Variants in SPMIP2 observed in about 807,000 individuals in gnomAD.
SPMIP2 encodes sperm microtubule inner protein 2.
chr4:158,908,536 G>A, the SPMIP2 span, among the ~76,000 whole-genome samples: 1 of 152,184 alleles, frequency 6.6e-6, no homozygotes, highest in Admixed American at 6.5e-5. Context: ...TCTTTACCAA[G>A]AATTGATATA....
chr4:159,046,992 C>T, the SPMIP2 span, among the ~76,000 whole-genome samples: 1 of 152,158 alleles, frequency 6.6e-6, no homozygotes, highest in East Asian at 1.9e-4. Context: ...GGTTGATGGA[C>T]AGAGAGTTGG....
At chr4:158,966,766 A>ACCCCG in the SPMIP2 span, among the ~76,000 whole-genome samples, 5 of 152,220 alleles carry the variant, frequency 3.3e-5, no homozygotes, top group South Asian at 4.1e-4. Flanking sequence ...AAAATAATCT[A>ACCCCG]CCAAGCTTTA....
the SPMIP2 span, among the ~76,000 whole-genome samples, chr4:158,969,917 A>C: frequency 6.6e-6 from 1 of 152,202 alleles, no homozygotes; most frequent in Non-Finnish European, 1.5e-5. Context: ...GACCATTTTG[A>C]TTTGGATTAT....
chr4:158,917,054 T>C, the SPMIP2 span, among the ~76,000 whole-genome samples: 1 of 152,094 alleles, frequency 6.6e-6, no homozygotes. Context: ...ATCAAGACCA[T>C]CCTGGCCAAC....
the SPMIP2 span, among the ~76,000 whole-genome samples, chr4:158,976,586 G>A: frequency 0.63 from 95,529 of 150,852 alleles, 30,545 homozygotes; most frequent in Middle Eastern, 0.72. Context: ...GATGGATTAC[G>A]TTTATTGATT....
chr4:159,073,888 C>T, the SPMIP2 span, among the ~76,000 whole-genome samples: 1 of 152,134 alleles, frequency 6.6e-6, no homozygotes, highest in South Asian at 2.1e-4. Context: ...TCTGTAATCC[C>T]AGCTACTCGG....
At chr4:158,990,313 G>C in the SPMIP2 span, among the ~76,000 whole-genome samples, 3 of 152,216 alleles carry the variant, frequency 2.0e-5, no homozygotes, top group African/African-American at 7.2e-5. Flanking sequence ...GTGGAAGACA[G>C]TGTGGCAATT....
the SPMIP2 span, among the ~76,000 whole-genome samples, chr4:158,957,715 G>A: frequency 1.3e-5 from 2 of 152,260 alleles, no homozygotes; most frequent in African/African-American, 2.4e-5. Flanking sequence ...GTGAGCCACT[G>A]TGCCCGTCCT....
the SPMIP2 span, chr4:158,905,041 T>TAGAC: frequency 2.6e-5 from 4 of 153,406 alleles, no homozygotes; most frequent in African/African-American, 9.6e-5. Flanking sequence ...GTTTGCTTTT[T>TAGAC]AGACAAGGTA....
chr4:159,069,603 TA>T, the SPMIP2 span, among the ~76,000 whole-genome samples: 1,770 of 143,936 alleles, frequency 0.012, 10 homozygotes, highest in Middle Eastern at 0.018. Context: ...CCTGGCTAAT[TA>T]AAAAAAAAAA....
At chr4:158,932,588 G>A in the SPMIP2 span, among the ~76,000 whole-genome samples, 1 of 152,214 alleles carries the variant, frequency 6.6e-6, no homozygotes, top group African/African-American at 2.4e-5. Flanking sequence ...CCTTGTGTAT[G>A]GGCCATTTCT....
the SPMIP2 span, among the ~76,000 whole-genome samples, chr4:159,009,811 TA>T: frequency 4.0e-5 from 6 of 150,828 alleles, no homozygotes; most frequent in South Asian, 2.1e-4. Flanking sequence ...TCTCTGTTAA[TA>T]AAAAAAAATG....
the SPMIP2 span, chr4:158,893,754 T>G: frequency 1.5e-5 from 22 of 1,469,224 alleles, no homozygotes; most frequent in Non-Finnish European, 1.8e-5. Flanking sequence ...CTTCATAGTT[T>G]ACTTCATAAG....
chr4:159,008,787 T>A, the SPMIP2 span, among the ~76,000 whole-genome samples: 1 of 152,246 alleles, frequency 6.6e-6, no homozygotes, highest in Non-Finnish European at 1.5e-5. Flanking sequence ...CATTGTCTTT[T>A]AAATCCAAGA....
At chr4:159,044,983 C>T in the SPMIP2 span, among the ~76,000 whole-genome samples, 33 of 151,986 alleles carry the variant, frequency 2.2e-4, no homozygotes, top group Non-Finnish European at 3.7e-4. Context: ...CCCAGCTACT[C>T]AGGAGGCTGA....
the SPMIP2 span, among the ~76,000 whole-genome samples, chr4:158,932,859 C>G: frequency 6.6e-6 from 1 of 152,076 alleles, no homozygotes; most frequent in African/African-American, 2.4e-5. Context: ...TGCCATGGAG[C>G]TAGGAAGAGA....
At chr4:159,020,790 C>T in the SPMIP2 span, among the ~76,000 whole-genome samples, 11 of 152,126 alleles carry the variant, frequency 7.2e-5, no homozygotes, top group Admixed American at 7.2e-4. Context: ...GAGACGGTGT[C>T]TCACTCTGTT....
the SPMIP2 span, among the ~76,000 whole-genome samples, chr4:159,009,155 C>A: frequency 6.6e-6 from 1 of 152,224 alleles, no homozygotes; most frequent in Admixed American, 6.5e-5. Flanking sequence ...TACAAACAGG[C>A]TCCCAAACAC....
the SPMIP2 span, among the ~76,000 whole-genome samples, chr4:159,062,697 G>GTCTCTCTCTCTCTC: frequency 4.0e-3 from 381 of 95,130 alleles, 28 homozygotes; most frequent in African/African-American, 0.011. Flanking sequence ...TTGAAACAGG[G>GTCTCTCTCTCTCTC]TCTCTCTCTC....
Sources: allele counts gnomAD v4.1 joint callset (sites outside exome capture counted in the v4.1 genomes callset), GRCh38; gene constraint gnomAD v4.1.1; transcripts MANE v1.5; gene names NCBI Gene and HGNC (gene_info 2026-07-23, HGNC 2026-07-21).